Variants in MICU2 observed in about 807,000 individuals in gnomAD.
MICU2 encodes calcium uptake protein 2, mitochondrial.
MICU2 carries 64 observed loss-of-function variants against 60.4 expected under a neutral mutation model. That is an observed-to-expected ratio of 1.06 (90% CI 0.87 to 1.31). MICU2 has a LOEUF of 1.31. MICU2 is among the 50% of genes most tolerant of loss of function. The pLI is 0.00. For synonymous variants in MICU2, 201 were observed against 175.0 expected, an observed-to-expected ratio of 1.15 and a Z score of -1.17; for missense variants, 569 against 531.0, an observed-to-expected ratio of 1.07 and a Z score of -0.70.
intron 2 of MICU2, among the ~76,000 whole-genome samples, chr13:21,540,866 T>C (rs1887264957): frequency 6.6e-6 from 1 of 152,132 alleles, no homozygotes; most frequent in Admixed American, 6.5e-5. Flanking sequence ...ATATAATACG[T>C]AGTCATATAA....
At chr13:21,552,442 C>G (rs1887595609) in intron 2 of MICU2, among the ~76,000 whole-genome samples, 1 of 152,186 alleles carries the variant, frequency 6.6e-6, no homozygotes, top group African/African-American at 2.4e-5. Flanking sequence ...AATTAGATCC[C>G]ATTTGTCAAT....
At chr13:21,558,091 A>G (rs1047326797) in intron 2 of MICU2, among the ~76,000 whole-genome samples, 3 of 152,198 alleles carry the variant, frequency 2.0e-5, no homozygotes, top group Non-Finnish European at 4.4e-5. Flanking sequence ...TCTGAGTACT[A>G]TTAACAATTC....
chr13:21,567,544 T>C (rs759618075), intron 1 of MICU2, among the ~76,000 whole-genome samples: 7 of 152,172 alleles, frequency 4.6e-5, no homozygotes, highest in Non-Finnish European at 1.0e-4. Context: ...ATTAGATAAA[T>C]AGCTTTGCTT....
intron 7 of MICU2, among the ~76,000 whole-genome samples, chr13:21,510,826 AATTC>A (rs1886411367): frequency 6.8e-6 from 1 of 146,726 alleles, no homozygotes; most frequent in African/African-American, 2.7e-5. Flanking sequence ...GAATTCATTT[AATTC>A]ATTCATTAAT....
At chr13:21,574,212 G>C (rs1888175392) in intron 1 of MICU2, among the ~76,000 whole-genome samples, 1 of 152,132 alleles carries the variant, frequency 6.6e-6, no homozygotes, top group East Asian at 1.9e-4. Flanking sequence ...AGTGGAAAGT[G>C]GTGGGAGTGG....
At chr13:21,500,933 A>G (rs1593313616) in intron 9 of MICU2, among the ~76,000 whole-genome samples, 1 of 152,276 alleles carries the variant, frequency 6.6e-6, no homozygotes, top group African/African-American at 2.4e-5. Context: ...ATAACCTAAG[A>G]TGAAACATTG....
intron 3 of MICU2, 123 bp downstream of exon 3, chr13:21,539,534 G>C (rs540482215): frequency 4.4e-6 from 6 of 1,370,984 alleles, no homozygotes; most frequent in Non-Finnish European, 6.2e-6. Context: ...TCCTGACCTC[G>C]TGATCCGCCC....
At chr13:21,575,953 C>A (rs1205042929) in intron 1 of MICU2, among the ~76,000 whole-genome samples, 2 of 152,092 alleles carry the variant, frequency 1.3e-5, no homozygotes, top group African/African-American at 4.8e-5. Context: ...ATTTAATAAA[C>A]CTGTCTCCCA....
At chr13:21,582,341 G>T (rs919415197) in intron 1 of MICU2, among the ~76,000 whole-genome samples, 1 of 152,158 alleles carries the variant, frequency 6.6e-6, no homozygotes, top group African/African-American at 2.4e-5. Context: ...GTCATCATAA[G>T]AAGAGGATGG....
At chr13:21,546,260 C>A (rs772575505) in intron 2 of MICU2, among the ~76,000 whole-genome samples, 16 of 145,082 alleles carry the variant, frequency 1.1e-4, no homozygotes, top group Non-Finnish European at 2.0e-4. Flanking sequence ...AAAGTATGGT[C>A]TTCAAATACA....
At chr13:21,506,201 A>T (rs1018802751) in intron 8 of MICU2, among the ~76,000 whole-genome samples, 4 of 152,020 alleles carry the variant, frequency 2.6e-5, no homozygotes, top group Non-Finnish European at 4.4e-5. Flanking sequence ...TCTTTTGTAA[A>T]GATGAGGTTT....
At chr13:21,528,611 C>A (rs1044580577) in intron 4 of MICU2, among the ~76,000 whole-genome samples, 3 of 152,156 alleles carry the variant, frequency 2.0e-5, no homozygotes, top group East Asian at 3.9e-4. Context: ...TCTGTTTGTT[C>A]AGTCAAAAAC....
intron 1 of MICU2, among the ~76,000 whole-genome samples, chr13:21,593,487 A>G (rs578080365): frequency 1.6e-5 from 2 of 126,740 alleles, no homozygotes; most frequent in Non-Finnish European, 3.3e-5. Flanking sequence ...TATCATTGAC[A>G]CTCTTCCCAG....
intron 1 of MICU2, among the ~76,000 whole-genome samples, chr13:21,568,232 C>A (rs1888028892): frequency 6.6e-6 from 1 of 152,134 alleles, no homozygotes; most frequent in East Asian, 1.9e-4. Context: ...AAGCTGTCAA[C>A]CCCTTCTTTT....
At position 21,503,080 on chromosome 13, in the gene MICU2, T is replaced by A. The variant is rs17853349; in HGVS notation, c.779A>T (p.Gln260Leu). ...GAATTCCATTTCTTGAATCTCTGTTTGTAAATTTTCCATAAATCTGAATGT... is the reference window on the plus strand; with the variant it reads ...GAATTCCATTTCTTGAATCTCTGTTAGTAAATTTTCCATAAATCTGAATGT... The part of the protein sequence containing the change: ...KEFRRFMENL[Q>L]TEIQEMEFLQ... The change falls in exon 9 of 12, where the codon CAA becomes CTA. Residue 260 changes from glutamine (Q) to leucine (L), a missense_variant. Physicochemically the swap from Gln to Leu is moderately radical, Grantham distance 113. Coordinates refer to ENST00000382374, the MANE Select transcript of MICU2 (RefSeq NM_152726.3). 1 of 1,596,380 alleles carries A rather than the reference T, an allele frequency of 6.3e-7. No individual in the cohort carries two copies. The highest frequency in any genetic ancestry group is 1.4e-5 in the African/African-American group (1 of 73,778).
At chr13:21,590,041 A>G (rs1888546517) in intron 1 of MICU2, among the ~76,000 whole-genome samples, 1 of 151,642 alleles carries the variant, frequency 6.6e-6, no homozygotes, top group Non-Finnish European at 1.5e-5. Context: ...AAAACTTTAT[A>G]TATAACACTA....
At chr13:21,579,950 TTC>T (rs1888313254) in intron 1 of MICU2, among the ~76,000 whole-genome samples, 1 of 152,242 alleles carries the variant, frequency 6.6e-6, no homozygotes, top group Admixed American at 6.5e-5. Context: ...TTGGTTATTT[TTC>T]TGTTTTGCTT....
At chr13:21,539,426 G>A in intron 3 of MICU2, 49 bp from the exon 4 acceptor site, 1 of 1,558,742 alleles carries the variant, frequency 6.4e-7, no homozygotes. Flanking sequence ...CATTTTCTTT[G>A]TAGCTGGGAC....
intron 7 of MICU2, among the ~76,000 whole-genome samples, chr13:21,513,182 T>C (rs1429280711): frequency 1.3e-5 from 2 of 152,140 alleles, no homozygotes; most frequent in Non-Finnish European, 2.9e-5. Context: ...CAATGCCATC[T>C]ACGAAAAGAG....
Sources: allele counts gnomAD v4.1 joint callset (sites outside exome capture counted in the v4.1 genomes callset), GRCh38; gene constraint gnomAD v4.1.1; transcripts MANE v1.5; gene names NCBI Gene and HGNC (gene_info 2026-07-23, HGNC 2026-07-21).